RGPD2: variants seen among roughly 807,000 people sequenced by gnomAD.
RGPD2 encodes the protein RANBP2 like and GRIP domain containing 2.
In RGPD2, 2 loss-of-function variants were observed where a neutral mutation model predicts 36.0. The ratio of observed to expected loss-of-function variants is 0.06; its 90% CI spans 0.02 to 0.17. The LOEUF (loss-of-function observed/expected upper bound fraction) is 0.17, where lower values mean the gene tolerates loss of function less well. Ranked by LOEUF, RGPD2 falls within the 10% of genes least tolerant of loss-of-function variation. RGPD2 has a pLI of 1.00. For synonymous variants in RGPD2, 19 were observed against 163.8 expected (o/e 0.12, Z 6.75); for missense variants, 40 against 464.3 (o/e 0.09, Z 8.40).
the RGPD2 span, among the ~76,000 whole-genome samples, chr2:87,884,356 C>G: frequency 3.3e-5 from 5 of 151,902 alleles, 1 homozygote; most frequent in South Asian, 8.3e-4. Context: ...AGACAGCTCT[C>G]AGATAAAGAG....
chr2:87,970,306 T>C, the RGPD2 span, among the ~76,000 whole-genome samples: 1 of 151,564 alleles, frequency 6.6e-6, no homozygotes, highest in Non-Finnish European at 1.5e-5. Context: ...TGTATACATA[T>C]TTATATACAT....
At chr2:87,885,990 A>T in the RGPD2 span, among the ~76,000 whole-genome samples, 1 of 151,806 alleles carries the variant, frequency 6.6e-6, no homozygotes, top group East Asian at 1.9e-4. Flanking sequence ...TTTGTTAAAA[A>T]TTTTCAGTGT....
At chr2:87,935,600 G>GA in the RGPD2 span, among the ~76,000 whole-genome samples, 1 of 150,856 alleles carries the variant, frequency 6.6e-6, no homozygotes, top group South Asian at 2.1e-4. Context: ...TTGAATTTCA[G>GA]AAAACTCCGA....
the RGPD2 span, among the ~76,000 whole-genome samples, chr2:87,871,787 C>A: frequency 1.3e-5 from 2 of 151,094 alleles, no homozygotes. Context: ...ATCGCTTGAA[C>A]CCGGGAGGCG....
chr2:87,886,495 A>G, the RGPD2 span, among the ~76,000 whole-genome samples: 4 of 151,888 alleles, frequency 2.6e-5, no homozygotes, highest in Non-Finnish European at 4.4e-5. Flanking sequence ...TAAATTTAGT[A>G]GACACTTAAA....
At chr2:87,878,944 C>T in the RGPD2 span, among the ~76,000 whole-genome samples, 1 of 152,118 alleles carries the variant, frequency 6.6e-6, no homozygotes. Flanking sequence ...ATTCATTTTA[C>T]AATTATATGT....
At chr2:87,919,162 T>TATG in the RGPD2 span, among the ~76,000 whole-genome samples, 2 of 152,020 alleles carry the variant, frequency 1.3e-5, no homozygotes, top group Non-Finnish European at 2.9e-5. Context: ...TACCAAAATT[T>TATG]ATGATAAGCA....
At chr2:87,915,194 T>A in the RGPD2 span, among the ~76,000 whole-genome samples, 1 of 150,964 alleles carries the variant, frequency 6.6e-6, no homozygotes, top group Non-Finnish European at 1.5e-5. Flanking sequence ...GTTTATATAA[T>A]GAAGTACTTA....
chr2:87,930,965 C>A, the RGPD2 span, among the ~76,000 whole-genome samples: 2 of 97,272 alleles, frequency 2.1e-5, no homozygotes, highest in Non-Finnish European at 2.0e-5. Flanking sequence ...CTTTTTTTTT[C>A]TTTATTTGTC....
chr2:87,772,933 C>G (rs1430403410), intron 21 of RGPD2, among the ~76,000 whole-genome samples: 1 of 132,310 alleles, frequency 7.6e-6, no homozygotes, highest in Non-Finnish European at 1.6e-5. Context: ...GATGGAACGT[C>G]TCCATGAGGA....
At chr2:87,974,541 A>G in the RGPD2 span, among the ~76,000 whole-genome samples, 1 of 152,074 alleles carries the variant, frequency 6.6e-6, no homozygotes, top group African/African-American at 2.4e-5. Flanking sequence ...GCTCTTCTCC[A>G]TACCTCTTGA....
At chr2:87,919,929 T>A in the RGPD2 span, among the ~76,000 whole-genome samples, 1 of 151,956 alleles carries the variant, frequency 6.6e-6, no homozygotes, top group Admixed American at 6.6e-5. Context: ...TCGTGGTAAA[T>A]CAGGCACTTA....
At chr2:87,878,391 C>T in the RGPD2 span, among the ~76,000 whole-genome samples, 2 of 149,174 alleles carry the variant, frequency 1.3e-5, no homozygotes, top group Admixed American at 1.3e-4. Flanking sequence ...TGGTTATGTT[C>T]CTCTCTAAAT....
the RGPD2 span, among the ~76,000 whole-genome samples, chr2:87,831,922 AAAT>A: frequency 1.4e-5 from 2 of 145,966 alleles, no homozygotes; most frequent in African/African-American, 2.5e-5. Flanking sequence ...AATAATTATA[AAAT>A]AATATTTTAA....
At chr2:87,878,653 G>A in the RGPD2 span, among the ~76,000 whole-genome samples, 1 of 152,208 alleles carries the variant, frequency 6.6e-6, no homozygotes, top group Non-Finnish European at 1.5e-5. Flanking sequence ...TAGTCACCTT[G>A]CTGTGCAGTT....
intron 1 of RGPD2, chr2:87,825,268 C>T: frequency 2.5e-6 from 1 of 395,032 alleles, no homozygotes; most frequent in East Asian, 3.6e-5. Context: ...AACCTCAAAA[C>T]AAATGATAGC....
chr2:87,875,743 T>C, the RGPD2 span, among the ~76,000 whole-genome samples: 1 of 152,290 alleles, frequency 6.6e-6, no homozygotes, highest in East Asian at 1.9e-4. Flanking sequence ...ATAAATGAGT[T>C]AGAGGGGAGT....
At chr2:87,930,879 C>T in the RGPD2 span, among the ~76,000 whole-genome samples, 1 of 143,056 alleles carries the variant, frequency 7.0e-6, no homozygotes, top group Non-Finnish European at 1.5e-5. Context: ...TTCATAATAT[C>T]CTCTGGTGGT....
chr2:87,978,776 A>G, the RGPD2 span, among the ~76,000 whole-genome samples: 1 of 125,486 alleles, frequency 8.0e-6, no homozygotes, highest in East Asian at 2.2e-4. Context: ...AAAATTAGCC[A>G]GGCATGATGA....
Sources: allele counts gnomAD v4.1 joint callset (sites outside exome capture counted in the v4.1 genomes callset), GRCh38; gene constraint gnomAD v4.1.1; transcripts MANE v1.5; gene names NCBI Gene and HGNC (gene_info 2026-07-23, HGNC 2026-07-21).